The following ROR1 variants were observed in gnomAD, a reference collection of about 807,000 sequenced individuals.
ROR1 encodes the protein ROR family WNT receptor 1.
A neutral mutation model predicts 78.8 loss-of-function variants in ROR1; 19 were observed. The ratio of observed to expected loss-of-function variants is 0.24; its 90% CI spans 0.17 to 0.35. The LOEUF is 0.35. ROR1 is among the 10% of genes least tolerant of loss of function. The pLI, the probability that ROR1 is intolerant of heterozygous loss-of-function variation, is 1.00. For synonymous variants in ROR1, 386 were observed against 433.6 expected (o/e 0.89, Z 1.36); for missense variants, 917 against 1,177.8 (o/e 0.78, Z 3.24).
intron 1 of ROR1, among the ~76,000 whole-genome samples, chr1:63,925,512 C>T (rs978436965): frequency 1.3e-4 from 20 of 152,058 alleles, no homozygotes; most frequent in Non-Finnish European, 2.5e-4. Flanking sequence ...GATTTATAGT[C>T]CTTTGGGTAT....
intron 1 of ROR1, among the ~76,000 whole-genome samples, chr1:63,995,003 G>A (rs1646325988): frequency 6.6e-6 from 1 of 152,202 alleles, no homozygotes; most frequent in African/African-American, 2.4e-5. Flanking sequence ...CAAATCCAAA[G>A]GTGGTCTTGC....
At chr1:63,866,198 C>T (rs1331886250) in intron 1 of ROR1, among the ~76,000 whole-genome samples, 1 of 152,052 alleles carries the variant, frequency 6.6e-6, no homozygotes, top group African/African-American at 2.4e-5. Context: ...ATGGAGCTTA[C>T]TAGATCTGAC....
chr1:63,827,782 G>C (rs1273310807), intron 1 of ROR1, among the ~76,000 whole-genome samples: 2 of 152,176 alleles, frequency 1.3e-5, no homozygotes, highest in Non-Finnish European at 2.9e-5. Flanking sequence ...GGGTGAAACT[G>C]AACTGGTTTC....
intron 1 of ROR1, among the ~76,000 whole-genome samples, chr1:63,868,239 G>A (rs987525883): frequency 1.3e-5 from 2 of 152,052 alleles, no homozygotes; most frequent in African/African-American, 4.8e-5. Context: ...CATTAAACAA[G>A]TGTTTATTAA....
At chr1:64,095,308 GA>G in intron 4 of ROR1, 1 of 151,750 alleles carries the variant, frequency 6.6e-6, no homozygotes, top group East Asian at 1.9e-4. Flanking sequence ...ACATTAACTT[GA>G]GAAGAGAAAT....
At chr1:63,920,644 A>C (rs545376597) in intron 1 of ROR1, among the ~76,000 whole-genome samples, 2 of 152,330 alleles carry the variant, frequency 1.3e-5, no homozygotes, top group East Asian at 3.9e-4. Flanking sequence ...CTACTCTGCC[A>C]AACATAGTTT....
intron 1 of ROR1, among the ~76,000 whole-genome samples, chr1:63,997,269 A>G (rs1236008135): frequency 6.6e-6 from 1 of 152,222 alleles, no homozygotes; most frequent in Admixed American, 6.5e-5. Flanking sequence ...TTGAAATCCT[A>G]TGTAAAATAG....
rs534570579 is a variant in ROR1 at position 63,802,953 on chromosome 1, C to G, written c.91+28445C>G. Among the ~76,000 whole-genome samples, 6 of 152,262 alleles carry G rather than the reference C, an allele frequency of 3.9e-5. No individual in the cohort carries two copies. In the East Asian group the frequency reaches 1.2e-3, roughly 29 times the overall value. On this transcript the variant is annotated intron_variant, in intron 1 of 8. Coordinates refer to ENST00000371079, the MANE Select transcript of ROR1 (RefSeq NM_005012.4). Reference sequence around the variant, plus strand: ...CTTTAACCCAGTAAATCCAAAATATCATCATTTCAACATGCAATCTTTATA... The same window carrying G: ...CTTTAACCCAGTAAATCCAAAATATGATCATTTCAACATGCAATCTTTATA...
chr1:64,110,677 T>C (rs1327926480), intron 4 of ROR1: 1 of 152,092 alleles, frequency 6.6e-6, no homozygotes, highest in Non-Finnish European at 1.5e-5. Context: ...GAGTTAAGCT[T>C]TGGTCTTCCT....
In ROR1 at chr1:64,039,678, G is replaced by A. The variant is rs111913566; in HGVS notation, c.164-10013G>A. 3.8e-3 allele frequency among the ~76,000 whole-genome samples: 573 copies of A among 152,284 alleles called. 6 individuals are homozygous for A. Among genetic ancestry groups the A allele is most frequent in the African/African-American group, 0.013 (550 of 41,564 alleles). On this transcript the variant is annotated intron_variant, in intron 2 of 8. Transcript: ENST00000371079. ...GGATCATGTGTCGTGTTGATGCTGA[G>A]GCATCTCCTGTGCATGGTACTGAAA...
In ROR1 at chr1:64,178,538, G is replaced by A; in HGVS notation, c.2497G>A (p.Ala833Thr). The stretch of plus-strand genomic sequence containing the variant: ...ACCTCCTGGATATGCAGCGTTTCCA[G>A]CTGCCCACTACCAGCCAACAGGTCC... ...PIPPGYAAFP[A>T]AHYQPTGPPR... Residue 833 changes from alanine (A) to threonine (T), a missense_variant, in exon 9 of 9, where the codon GCT becomes ACT. Coordinates refer to ENST00000371079, the MANE Select transcript of ROR1 (RefSeq NM_005012.4). This position sits in a 1 kb window ranked among gnomAD's most constrained non-coding sequence, Gnocchi z 4.3. The A allele has an allele frequency of 6.2e-7, 1 of 1,614,160 alleles. No homozygotes were observed. Among genetic ancestry groups the A allele is most frequent in the South Asian group, 1.1e-5 (1 of 91,082 alleles).
chr1:64,028,615 G>C (rs1646634663), intron 2 of ROR1, among the ~76,000 whole-genome samples: 1 of 152,028 alleles, frequency 6.6e-6, no homozygotes, highest in African/African-American at 2.4e-5. Flanking sequence ...GAAATGCTAA[G>C]AAGAAAAAAT....
chr1:64,015,283 T>G (rs899089987), intron 2 of ROR1, among the ~76,000 whole-genome samples: 9 of 152,166 alleles, frequency 5.9e-5, no homozygotes, highest in Non-Finnish European at 1.0e-4. Context: ...GTTAAGACAC[T>G]CAAACCATAT....
At chr1:64,112,519 A>C (rs150939901) in intron 4 of ROR1, among the ~76,000 whole-genome samples, 122 of 152,258 alleles carry the variant, frequency 8.0e-4, no homozygotes, top group Non-Finnish European at 1.3e-4. Context: ...TGACTCATAG[A>C]GCCCTAACAG....
intron 1 of ROR1, among the ~76,000 whole-genome samples, chr1:63,897,456 G>A (rs1645449388): frequency 6.6e-6 from 1 of 152,166 alleles, no homozygotes; most frequent in Non-Finnish European, 1.5e-5. Context: ...AAAAAGGGAA[G>A]AGAGGCTTTT....
At chr1:63,903,886 A>G (rs1645505518) in intron 1 of ROR1, among the ~76,000 whole-genome samples, 2 of 152,140 alleles carry the variant, frequency 1.3e-5, no homozygotes, top group South Asian at 4.1e-4. Context: ...TAATCATGAG[A>G]CCAGGGAGAA....
chr1:63,888,755 T>C (rs1382539195), intron 1 of ROR1, among the ~76,000 whole-genome samples: 1 of 152,186 alleles, frequency 6.6e-6, no homozygotes, highest in African/African-American at 2.4e-5. Context: ...TAATTATCAG[T>C]GATATAATTT....
intron 1 of ROR1, among the ~76,000 whole-genome samples, chr1:63,872,397 C>T (rs1226348390): frequency 6.6e-6 from 1 of 151,960 alleles, no homozygotes. Context: ...AGTTGGTGGC[C>T]AGGTAAGTTC....
chr1:63,876,595 T>A (rs1645286481), intron 1 of ROR1, among the ~76,000 whole-genome samples: 1 of 151,648 alleles, frequency 6.6e-6, no homozygotes, highest in African/African-American at 2.4e-5. Context: ...TGAAACAAAT[T>A]GGAAGCTGTT....
Sources: allele counts gnomAD v4.1 joint callset (sites outside exome capture counted in the v4.1 genomes callset), GRCh38; gene constraint gnomAD v4.1.1; non-coding constraint Gnocchi (gnomAD v3.1); transcripts MANE v1.5; gene names NCBI Gene and HGNC (gene_info 2026-07-23, HGNC 2026-07-21).